Variants in GRIK2 observed in about 807,000 individuals in gnomAD.
GRIK2 encodes glutamate ionotropic receptor kainate type subunit 2, also known as glutamate receptor ionotropic, kainate 2.
Under a neutral mutation model 100.3 loss-of-function variants are expected in GRIK2, and 32 were observed. That is an observed-to-expected ratio of 0.32 (90% CI 0.24 to 0.43). The LOEUF is 0.43. Ranked by LOEUF, GRIK2 falls within the 20% of genes least tolerant of loss-of-function variation. GRIK2 has a pLI of 1.00. For missense variants in GRIK2, 843 were observed against 1,114.9 expected (o/e 0.76, Z 3.47); for synonymous variants, 417 against 389.4 (o/e 1.07, Z -0.83).
intron 2 of GRIK2, among the ~76,000 whole-genome samples, chr6:101,588,744 A>C (rs778424868): frequency 2.6e-5 from 4 of 152,042 alleles, no homozygotes; most frequent in Non-Finnish European, 5.9e-5. Flanking sequence ...GTGCATTGAA[A>C]GATCATTCTA....
intron 2 of GRIK2, among the ~76,000 whole-genome samples, chr6:101,429,076 A>G (rs1265645974): frequency 6.6e-6 from 1 of 152,160 alleles, no homozygotes; most frequent in Non-Finnish European, 1.5e-5. Context: ...GTGTTTTGCA[A>G]TCTAATTATA....
At chr6:101,731,753 T>C (rs1317629607) in intron 7 of GRIK2, among the ~76,000 whole-genome samples, 3 of 151,866 alleles carry the variant, frequency 2.0e-5, no homozygotes, top group African/African-American at 7.3e-5. Context: ...ATCAAAATAT[T>C]TTCCACAAAA....
chr6:102,055,658 T>C lies in GRIK2; in HGVS notation c.2562+78T>C, dbSNP rs145148157. On this transcript the variant is annotated intron_variant, in intron 16 of 16. Coordinates refer to ENST00000369134, the MANE Select transcript of GRIK2 (RefSeq NM_021956.5). The stretch of plus-strand genomic sequence containing the variant: ...AAAACACAAACCAAAAGAGTTTTTA[T>C]GTTACCAACTAATGATAATGCATAG... The C allele has an allele frequency of 2.8e-4, 266 of 958,918 alleles. No individual in the cohort carries two copies. The East Asian group carries it at 6.3e-3, about 23-fold the overall frequency. The allele number at this position is 958,918 out of a possible 1,614,324, so 59.4% of individuals were successfully genotyped here.
Position 102,069,334 on chromosome 6 carries a change from T to A in GRIK2, c.*823T>A, listed in dbSNP as rs1772163095. On this transcript the variant is annotated 3_prime_UTR_variant, in exon 17 of 17. Coordinates refer to ENST00000369134, the MANE Select transcript of GRIK2 (RefSeq NM_021956.5). ...ATAATAATAATAATAATAATAATAA[T>A]AATAAAAGCAGTTGGTTCAGTGATT... 7.0e-6 allele frequency: 1 copy of A among 143,866 alleles called. No homozygotes were observed. The highest frequency in any genetic ancestry group is 1.5e-5 in the Non-Finnish European group (1 of 66,482). The allele number at this position is 143,866 out of a possible 1,614,324, so 8.9% of individuals were successfully genotyped here.
At chr6:101,790,705 G>T (rs1583156529) in intron 7 of GRIK2, among the ~76,000 whole-genome samples, 1 of 150,396 alleles carries the variant, frequency 6.6e-6, no homozygotes, top group East Asian at 2.0e-4. Context: ...TTGGTATCAG[G>T]ATGATGCGGG....
rs529106985 is a variant in GRIK2, at chr6:102,069,059, G to A, written c.*548G>A. Reference sequence around the variant, plus strand: ...TTTATAGGATGTGAAAAAATGTAATGCAAAACAAATTTGAATCCCATGGCA... The same window carrying A: ...TTTATAGGATGTGAAAAAATGTAATACAAAACAAATTTGAATCCCATGGCA... On this transcript the variant is annotated 3_prime_UTR_variant, in exon 17 of 17. Transcript: ENST00000369134. 5 of 151,570 alleles carry A rather than the reference G, an allele frequency of 3.3e-5. No individual in the cohort carries two copies. Among genetic ancestry groups the A allele is most frequent in the African/African-American group, 9.6e-5 (4 of 41,456 alleles). The allele number at this position is 151,570 out of a possible 1,614,324, so 9.4% of individuals were successfully genotyped here.
At chr6:101,674,332 A>T (rs1221806511) in intron 4 of GRIK2, among the ~76,000 whole-genome samples, 1 of 152,216 alleles carries the variant, frequency 6.6e-6, no homozygotes, top group Non-Finnish European at 1.5e-5. Context: ...GCAGCTCCAC[A>T]GATTACTGCC....
rs148934211 is a variant in GRIK2 at position 102,055,502 on chromosome 6, A to G, written c.2484A>G (p.Ala828=). Residue 828 remains alanine (A), a synonymous_variant, in exon 16 of 17, where the codon GCA becomes GCG. Coordinates refer to ENST00000369134, the MANE Select transcript of GRIK2 (RefSeq NM_021956.5). The part of the protein sequence containing the change: ...QNIGGIFIVL[A]AGLVLSVFVA... ...TTGGTGGCATCTTCATTGTTCTGGC[A>G]GCCGGCTTGGTGCTTTCAGTTTTTG... 64 of 1,613,492 alleles carry G rather than the reference A, an allele frequency of 4.0e-5. No individual in the cohort carries two copies. The African/African-American group carries it at 8.4e-4, about 21-fold the overall frequency.
rs569943979 is a variant in GRIK2 at position 101,754,850 on chromosome 6, G to A, written c.952-44798G>A. ...CCTGTGAGGAAATGAAATGTTACTC[G>A]GTATGGATGGATCATGGGAATCAGA... On this transcript the variant is annotated intron_variant, in intron 7 of 16. Coordinates refer to ENST00000369134, the MANE Select transcript of GRIK2 (RefSeq NM_021956.5). Among the ~76,000 whole-genome samples the A allele has an allele frequency of 3.9e-5, 6 of 152,278 alleles. No homozygotes were observed. In the South Asian group the frequency reaches 1.0e-3, roughly 26 times the overall value.
chr6:101,644,343 T>C (rs1781422780), intron 4 of GRIK2, among the ~76,000 whole-genome samples: 1 of 151,788 alleles, frequency 6.6e-6, no homozygotes, highest in Non-Finnish European at 1.5e-5. Flanking sequence ...TGTACAGAGC[T>C]GTGAAATGGT....
At chr6:101,487,363 C>A (rs1177728353) in intron 2 of GRIK2, among the ~76,000 whole-genome samples, 1 of 146,180 alleles carries the variant, frequency 6.8e-6, no homozygotes, top group Non-Finnish European at 1.5e-5. Flanking sequence ...GTGCAAATTT[C>A]TTCACCTCCT....
At chr6:101,717,865 T>G (rs1052023743) in intron 7 of GRIK2, among the ~76,000 whole-genome samples, 2 of 151,854 alleles carry the variant, frequency 1.3e-5, no homozygotes, top group East Asian at 3.9e-4. Flanking sequence ...TTTAGTTGTA[T>G]GTGCTTGGGG....
intron 7 of GRIK2, among the ~76,000 whole-genome samples, chr6:101,760,695 T>TATATGTTTAATTATATTTA (rs1562364797): frequency 2.5e-5 from 2 of 80,014 alleles, no homozygotes; most frequent in East Asian, 9.6e-4. Flanking sequence ...TATATATAAT[T>TATATGTTTAATTATATTTA]ATATATAATT....
intron 11 of GRIK2, among the ~76,000 whole-genome samples, chr6:101,864,130 C>T (rs1396572913): frequency 4.5e-5 from 6 of 133,614 alleles, no homozygotes; most frequent in African/African-American, 1.7e-4. Context: ...GGCGACAGAG[C>T]GAGACTCCGT....
At chr6:101,862,370 T>G (rs1462369655) in intron 11 of GRIK2, among the ~76,000 whole-genome samples, 1 of 152,152 alleles carries the variant, frequency 6.6e-6, no homozygotes, top group Non-Finnish European at 1.5e-5. Flanking sequence ...GAGATTCATT[T>G]TCTTTCTTAA....
chr6:101,762,091 C>T (rs1375734912), intron 7 of GRIK2, among the ~76,000 whole-genome samples: 1 of 135,524 alleles, frequency 7.4e-6, no homozygotes, highest in Non-Finnish European at 1.6e-5. Flanking sequence ...TCCTTTCCTT[C>T]CTTCCTCCCT....
chr6:101,773,592 A>C (rs937206817), intron 7 of GRIK2, among the ~76,000 whole-genome samples: 2 of 152,154 alleles, frequency 1.3e-5, no homozygotes, highest in African/African-American at 4.8e-5. Context: ...TTTAAAAAAC[A>C]AAACCAAAAA....
intron 6 of GRIK2, among the ~76,000 whole-genome samples, chr6:101,684,149 A>G (rs1171464696): frequency 6.6e-6 from 1 of 152,226 alleles, no homozygotes; most frequent in East Asian, 1.9e-4. Flanking sequence ...TTCCTAGCAG[A>G]CAACTTTTTG....
intron 7 of GRIK2, among the ~76,000 whole-genome samples, chr6:101,759,801 TAAAA>T (rs11320536): frequency 2.2e-4 from 33 of 151,702 alleles, no homozygotes; most frequent in Admixed American, 2.0e-4. Context: ...TTTTAAAAAA[TAAAA>T]AAAGGTTTCT....
Sources: gnomAD v4.1 joint callset for allele counts (sites outside exome capture counted in the v4.1 genomes callset) on GRCh38, gnomAD v4.1.1 for gene constraint, MANE v1.5 for transcripts, NCBI Gene and HGNC (gene_info 2026-07-23, HGNC 2026-07-21) for gene names.